The following AP3D1 variants were observed in gnomAD, a reference collection of about 807,000 sequenced individuals.
AP3D1 encodes AP-3 complex subunit delta-1.
AP3D1 carries 51 observed loss-of-function variants against 147.6 expected under a neutral mutation model. That is an observed-to-expected ratio of 0.35 (90% CI 0.28 to 0.44). AP3D1 has a LOEUF of 0.44. Among genes scored for constraint, AP3D1 ranks in the 20% least tolerant of loss-of-function variants. The pLI, the probability that AP3D1 is intolerant of heterozygous loss-of-function variation, is 1.00. For synonymous variants in AP3D1, 760 were observed against 663.0 expected (o/e 1.15, Z -2.25); for missense variants, 1,421 against 1,624.2 (o/e 0.87, Z 2.15).
At chr19:2,120,420 G>A (rs2018576947) in intron 14 of AP3D1, among the ~76,000 whole-genome samples, 2 of 152,208 alleles carry the variant, frequency 1.3e-5, no homozygotes, top group Admixed American at 1.3e-4. Flanking sequence ...GGCAGGCTGG[G>A]GCTGAGCAGG....
At position 2,109,977 on chromosome 19, in the gene AP3D1, G is replaced by T; in HGVS notation, c.3265-19C>A. On this transcript the variant is annotated intron_variant, in intron 28 of 31. Transcript: ENST00000643116. ...CGTCATTCTGCGGTGGAGTGAAGGTGGTGCAGTTGAGAGGGGAGTCGGGCC... is the reference window on the plus strand; with the variant it reads ...CGTCATTCTGCGGTGGAGTGAAGGTTGTGCAGTTGAGAGGGGAGTCGGGCC... 1 of 1,612,958 alleles carries T rather than the reference G, an allele frequency of 6.2e-7. No homozygotes were observed. Among genetic ancestry groups the T allele is most frequent in the Non-Finnish European group, 8.5e-7 (1 of 1,179,432 alleles).
intron 2 of AP3D1, among the ~76,000 whole-genome samples, chr19:2,138,167 T>C (rs774220089): frequency 5.9e-5 from 9 of 152,104 alleles, no homozygotes; most frequent in Non-Finnish European, 1.2e-4. Flanking sequence ...GAGCCCTTTG[T>C]CTCGTCCTCC....
intron 31 of AP3D1, among the ~76,000 whole-genome samples, chr19:2,104,030 G>A (rs553431569): frequency 6.0e-5 from 9 of 149,992 alleles, no homozygotes; most frequent in Admixed American, 2.7e-4. Context: ...AAGACCCCAC[G>A]CTCAAGACCC....
Position 2,110,200 on chromosome 19 carries a change from A to G in AP3D1, c.3200T>C (p.Val1067Ala), listed in dbSNP as rs2018231050. 2 of 1,612,426 alleles carry G rather than the reference A, an allele frequency of 1.2e-6. No individual in the cohort carries two copies. The highest frequency in any genetic ancestry group is 2.7e-5 in the African/African-American group (2 of 74,880). The change falls in exon 28 of 32, where the codon GTG (valine) becomes GCG (alanine). Residue 1067 changes from valine to alanine, a missense_variant. By Grantham distance (64) the Val-to-Ala change is moderately conservative. Transcript: ENST00000643116. ...PPGVSNEAQY[V>A]FTIQSIVMAQ... ...CATGACGATGCTCTGGATGGTGAAC[A>G]CATACTGGGCTTCGTTGGAGACGCC...
chr19:2,146,377 G>T (rs2019356101), intron 1 of AP3D1, among the ~76,000 whole-genome samples: 1 of 152,178 alleles, frequency 6.6e-6, no homozygotes, highest in African/African-American at 2.4e-5. Context: ...GCCAAGGTGG[G>T]TGGGTTACTT....
chr19:2,118,112 A>G (rs1254033686), intron 15 of AP3D1, among the ~76,000 whole-genome samples: 3 of 152,156 alleles, frequency 2.0e-5, no homozygotes, highest in Non-Finnish European at 4.4e-5. Context: ...ATGAGCTGAG[A>G]TCGCACCACT....
At chr19:2,122,808 A>T (rs2018647943) in intron 11 of AP3D1, among the ~76,000 whole-genome samples, 1 of 151,912 alleles carries the variant, frequency 6.6e-6, no homozygotes, top group Non-Finnish European at 1.5e-5. Flanking sequence ...GAGTTTGCCA[A>T]CTCCTGCTCT....
chr19:2,154,273 T>TG (rs956460533), upstream of AP3D1, among the ~76,000 whole-genome samples: 2 of 127,756 alleles, frequency 1.6e-5, no homozygotes, highest in South Asian at 2.4e-4. Flanking sequence ...TATTTATTTA[T>TG]GGTTTTTTTT....
intron 1 of AP3D1, among the ~76,000 whole-genome samples, chr19:2,150,502 A>T (rs1260774486): frequency 4.6e-5 from 7 of 152,154 alleles, no homozygotes; most frequent in African/African-American, 1.7e-4. Flanking sequence ...TCAGGTTCCT[A>T]CTTGAAGTCA....
At chr19:2,117,757 G>A (rs377591570) in intron 15 of AP3D1, among the ~76,000 whole-genome samples, 1 of 152,240 alleles carries the variant, frequency 6.6e-6, no homozygotes. Flanking sequence ...CAAGGATCAT[G>A]GCCAGCCCCG....
At position 2,109,074 on chromosome 19, in the gene AP3D1, C is replaced by T; in HGVS notation, c.3472+12G>A. 6.2e-7 allele frequency: 1 copy of T among 1,607,918 alleles called. No homozygotes were observed. Among genetic ancestry groups the T allele is most frequent in the Non-Finnish European group, 8.5e-7 (1 of 1,178,234 alleles). On this transcript the variant is annotated intron_variant, in intron 30 of 31. Coordinates refer to ENST00000643116, the MANE Select transcript of AP3D1 (RefSeq NM_001261826.3). Reference sequence around the variant, plus strand: ...AGCCCCGTGCAATCCATCAGCCCCTCACTCTCCTTACCGGAAAAATGGTGG... The same window carrying T: ...AGCCCCGTGCAATCCATCAGCCCCTTACTCTCCTTACCGGAAAAATGGTGG...
At chr19:2,116,883 G>T in intron 16 of AP3D1, 137 bp from the exon 17 acceptor site, 2 of 1,208,694 alleles carry the variant, frequency 1.7e-6, no homozygotes, top group Non-Finnish European at 2.2e-6. Flanking sequence ...CACAGGGCCA[G>T]CGAGGCAGGT....
At chr19:2,128,596 T>G (rs1599471711) in intron 8 of AP3D1, among the ~76,000 whole-genome samples, 1 of 13,232 alleles carries the variant, frequency 7.6e-5, no homozygotes, top group Non-Finnish European at 1.9e-4. Flanking sequence ...CCCCCGCCGC[T>G]CCGACACTGC....
chr19:2,151,847 C>T (rs79675264), upstream of AP3D1, among the ~76,000 whole-genome samples: 5 of 152,374 alleles, frequency 3.3e-5, no homozygotes, highest in Non-Finnish European at 5.9e-5. Flanking sequence ...CTGACCCTCC[C>T]ACCAGCTGAC....
intron 1 of AP3D1, chr19:2,164,350 GCT>G: frequency 1.0e-6 from 1 of 965,876 alleles, no homozygotes; most frequent in Non-Finnish European, 1.3e-6. Flanking sequence ...CCCAAGCCGC[GCT>G]CACCGGTCCC....
In AP3D1 at chr19:2,164,094, C is replaced by T. The variant is rs1477345691; in HGVS notation, c.-103+262G>A. 3.3e-5 allele frequency: 5 copies of T among 150,396 alleles called. No individual in the cohort carries two copies. In the South Asian group the frequency reaches 9.2e-4, roughly 28 times the overall value. 9.3% of individuals were successfully genotyped at this position (150,396 alleles called of 1,614,324 possible). ...GCCCCCTCCCCTCAGCCTCCCGCCC[C>T]TCCCTCCCGCCCGCCCTCCTCCGCC... On this transcript the variant is annotated intron_variant, in intron 1 of 14. Transcript: ENST00000643010.
At chr19:2,120,140 G>T (rs1357666032) in intron 14 of AP3D1, among the ~76,000 whole-genome samples, 3 of 152,262 alleles carry the variant, frequency 2.0e-5, no homozygotes, top group African/African-American at 4.8e-5. Flanking sequence ...CGGGCCCGAG[G>T]CAGTGAGGCA....
rs184301357 is a variant in AP3D1 at position 2,160,336 on chromosome 19, C to G, written c.-103+4020G>C. Among the ~76,000 whole-genome samples, 579 of 152,120 alleles carry G rather than the reference C, an allele frequency of 3.8e-3. 4 individuals carry two copies. Among genetic ancestry groups the G allele is most frequent in the African/African-American group, 0.013 (545 of 41,504 alleles). ...CTGAGGTCAGGAGTTCGAGACCAGCCTAGCCAACATGGTGAAACCCCATCT... is the reference window on the plus strand; with the variant it reads ...CTGAGGTCAGGAGTTCGAGACCAGCGTAGCCAACATGGTGAAACCCCATCT... On this transcript the variant is annotated intron_variant, in intron 1 of 14. Coordinates refer to the AP3D1 transcript ENST00000643010.
At chr19:2,103,694 A>AGGG (rs979167240) in intron 31 of AP3D1, among the ~76,000 whole-genome samples, 4 of 152,020 alleles carry the variant, frequency 2.6e-5, no homozygotes, top group African/African-American at 9.7e-5. Context: ...CCCAGAAGGC[A>AGGG]GGGGGGACTT....
Sources: gnomAD v4.1 joint callset for allele counts (sites outside exome capture counted in the v4.1 genomes callset) on GRCh38, gnomAD v4.1.1 for gene constraint, MANE v1.5 for transcripts, NCBI Gene and HGNC (gene_info 2026-07-23, HGNC 2026-07-21) for gene names.